The following CCSER1 variants were observed in gnomAD, a reference collection of about 807,000 sequenced individuals.
CCSER1 encodes the protein coiled-coil serine rich protein 1.
In CCSER1, 41 loss-of-function variants were observed where a neutral mutation model predicts 82.0. That is an observed-to-expected ratio of 0.50 (90% confidence interval 0.39 to 0.65). The LOEUF (loss-of-function observed/expected upper bound fraction) is 0.65, where lower values mean the gene tolerates loss of function less well. Ranked by LOEUF, CCSER1 falls within the 30% of genes least tolerant of loss-of-function variation. The pLI, the probability that CCSER1 is intolerant of heterozygous loss-of-function variation, is 0.00. For missense variants in CCSER1, 1,119 were observed against 1,064.2 expected, an observed-to-expected ratio of 1.05 and a Z score of -0.72; for synonymous variants, 414 against 383.9, an observed-to-expected ratio of 1.08 and a Z score of -0.92.
At chr4:91,311,011 T>C (rs1745435490) in intron 10 of CCSER1, among the ~76,000 whole-genome samples, 1 of 152,028 alleles carries the variant, frequency 6.6e-6, no homozygotes, top group Non-Finnish European at 1.5e-5. Context: ...GACCTGCTTA[T>C]GTATAACTAT....
chr4:90,935,978 T>C (rs995615350), intron 9 of CCSER1, among the ~76,000 whole-genome samples: 11 of 152,100 alleles, frequency 7.2e-5, no homozygotes, highest in African/African-American at 2.7e-4. Context: ...TGTCACTTTT[T>C]GCAATGAACA....
chr4:90,292,147 T>C (rs1731053974), intron 1 of CCSER1, among the ~76,000 whole-genome samples: 1 of 151,970 alleles, frequency 6.6e-6, no homozygotes, highest in African/African-American at 2.4e-5. Flanking sequence ...GTCTTTACTA[T>C]CATTTTGCTC....
chr4:90,897,308 C>A (rs1723860615), intron 8 of CCSER1, among the ~76,000 whole-genome samples: 1 of 151,840 alleles, frequency 6.6e-6, no homozygotes, highest in Admixed American at 6.6e-5. Context: ...CTTTTGAAGT[C>A]CCCAATGTCT....
chr4:90,601,656 G>C (rs1210553075), intron 5 of CCSER1, among the ~76,000 whole-genome samples: 1 of 146,556 alleles, frequency 6.8e-6, no homozygotes, highest in East Asian at 2.0e-4. Context: ...TTTTTTTTGA[G>C]ACCTTATTTT....
At chr4:91,065,983 A>G (rs1270138387) in intron 9 of CCSER1, among the ~76,000 whole-genome samples, 1 of 152,194 alleles carries the variant, frequency 6.6e-6, no homozygotes, top group African/African-American at 2.4e-5. Context: ...GTGTACAATT[A>G]CTTTATCAAA....
chr4:90,750,899 TTAAA>T (rs1748523415), intron 7 of CCSER1, among the ~76,000 whole-genome samples: 1 of 152,184 alleles, frequency 6.6e-6, no homozygotes, highest in African/African-American at 2.4e-5. Context: ...AGAGATCTGA[TTAAA>T]TAAATTGGAA....
At chr4:90,181,058 C>A (rs1733648416) in intron 1 of CCSER1, among the ~76,000 whole-genome samples, 1 of 152,012 alleles carries the variant, frequency 6.6e-6, no homozygotes. Context: ...CTGATACATT[C>A]AAAACATTTA....
intron 10 of CCSER1, among the ~76,000 whole-genome samples, chr4:91,303,536 A>T (rs189644777): frequency 6.6e-6 from 1 of 152,056 alleles, no homozygotes; most frequent in Non-Finnish European, 1.5e-5. Context: ...TTGTAATCCC[A>T]GCACTTTGGG....
intron 10 of CCSER1, among the ~76,000 whole-genome samples, chr4:91,096,474 A>G (rs1018142070): frequency 6.6e-6 from 1 of 152,062 alleles, no homozygotes; most frequent in Non-Finnish European, 1.5e-5. Context: ...CCCCTTAACC[A>G]CTATGGGGGA....
At chr4:91,437,132 T>G (rs1274792294) in intron 10 of CCSER1, among the ~76,000 whole-genome samples, 1 of 152,178 alleles carries the variant, frequency 6.6e-6, no homozygotes, top group African/African-American at 2.4e-5. Flanking sequence ...ATTCAGACTT[T>G]CAGAGAGAAA....
chr4:90,226,089 G>A (rs765486361), intron 1 of CCSER1, among the ~76,000 whole-genome samples: 3 of 152,186 alleles, frequency 2.0e-5, no homozygotes, highest in Non-Finnish European at 4.4e-5. Flanking sequence ...TGGTTAGCTA[G>A]CAGTTCTTCC....
chr4:91,208,691 T>A (rs572139858), intron 10 of CCSER1, among the ~76,000 whole-genome samples: 1 of 152,132 alleles, frequency 6.6e-6, no homozygotes, highest in Admixed American at 6.6e-5. Context: ...AGGCGTTCCT[T>A]AGCTATTCAG....
intron 9 of CCSER1, among the ~76,000 whole-genome samples, chr4:90,962,396 T>A (rs1362929294): frequency 3.3e-5 from 5 of 152,160 alleles, no homozygotes. Flanking sequence ...GTATTTAATA[T>A]ACTATTTAAA....
intron 7 of CCSER1, among the ~76,000 whole-genome samples, chr4:90,743,953 G>C (rs1425939652): frequency 1.3e-5 from 2 of 152,108 alleles, no homozygotes; most frequent in African/African-American, 4.8e-5. Context: ...AGTGATATTA[G>C]TTTTAAAAGT....
chr4:91,073,310 A>AT (rs1274991435), intron 9 of CCSER1, among the ~76,000 whole-genome samples: 1 of 152,086 alleles, frequency 6.6e-6, no homozygotes, highest in Non-Finnish European at 1.5e-5. Flanking sequence ...GGGGGTGAAT[A>AT]TTTTTTCAAT....
intron 5 of CCSER1, among the ~76,000 whole-genome samples, chr4:90,529,952 T>TATATATA (rs11408307): frequency 5.1e-5 from 6 of 117,946 alleles, no homozygotes; most frequent in Admixed American, 9.8e-5. Context: ...TATATATATA[T>TATATATA]TTTTTTTTTC....
In CCSER1 at chr4:90,352,181, G is replaced by A. The variant is rs1037101803; in HGVS notation, c.1509+39134G>A. Among the ~76,000 whole-genome samples, 7 of 151,996 alleles carry A rather than the reference G, an allele frequency of 4.6e-5. No homozygotes were observed. In the East Asian group the frequency reaches 5.8e-4, roughly 13 times the overall value. On this transcript the variant is annotated intron_variant, in intron 3 of 10. Coordinates refer to ENST00000509176, the MANE Select transcript of CCSER1 (RefSeq NM_001145065.2). Reference sequence around the variant, plus strand: ...GTACTAAAAATACAAAAAATTAGCCGGGCGTGGTGGCGGGCGCCTGTTGTC... The same window carrying A: ...GTACTAAAAATACAAAAAATTAGCCAGGCGTGGTGGCGGGCGCCTGTTGTC...
intron 9 of CCSER1, among the ~76,000 whole-genome samples, chr4:90,996,823 G>A (rs567707243): frequency 9.2e-5 from 14 of 152,136 alleles, no homozygotes; most frequent in African/African-American, 3.4e-4. Context: ...AATCTAAGTT[G>A]ATTGTATAAA....
intron 10 of CCSER1, among the ~76,000 whole-genome samples, chr4:91,521,363 A>G (rs1760461217): frequency 6.6e-6 from 1 of 152,226 alleles, no homozygotes; most frequent in South Asian, 2.1e-4. Flanking sequence ...TCTTTATAGT[A>G]GCATGATTTA....
Sources: allele counts gnomAD v4.1 joint callset (sites outside exome capture counted in the v4.1 genomes callset), GRCh38; gene constraint gnomAD v4.1.1; transcripts MANE v1.5; gene names NCBI Gene and HGNC (gene_info 2026-07-23, HGNC 2026-07-21).